Variants in IL1RAPL1 observed in about 807,000 individuals in gnomAD.
IL1RAPL1 encodes interleukin-1 receptor accessory protein-like 1.
A neutral mutation model predicts 48.4 loss-of-function variants in IL1RAPL1; 3 were observed. That is an observed-to-expected ratio of 0.06 (90% CI 0.03 to 0.16). The LOEUF is 0.16. Ranked by LOEUF, IL1RAPL1 falls within the 10% of genes least tolerant of loss-of-function variation. The probability of loss-of-function intolerance (pLI) is 1.00; values close to 1 mark genes in which losing one functional copy is unlikely to be tolerated. For synonymous variants in IL1RAPL1, 185 were observed against 187.7 expected, an observed-to-expected ratio of 0.99 and a Z score of 0.12; for missense variants, 349 against 530.6, an observed-to-expected ratio of 0.66 and a Z score of 3.36.
intron 8 of IL1RAPL1, among the ~76,000 whole-genome samples, chrX:29,937,171 CAG>C (rs752694334): frequency 2.7e-5 from 3 of 112,076 alleles, no homozygotes; most frequent in Non-Finnish European, 3.8e-5. Flanking sequence ...TTAAAGGGGG[CAG>C]AGTCTATCAT....
intron 3 of IL1RAPL1, among the ~76,000 whole-genome samples, chrX:29,343,740 T>TA: frequency 9.3e-6 from 1 of 107,327 alleles, no homozygotes; most frequent in East Asian, 2.9e-4. Flanking sequence ...AGTTTTTTTT[T>TA]ACATTAGAAA....
intron 2 of IL1RAPL1, among the ~76,000 whole-genome samples, chrX:28,924,669 A>G (rs1008530425): frequency 8.0e-5 from 9 of 112,081 alleles, no homozygotes; most frequent in Non-Finnish European, 1.1e-4. Context: ...CTGGAAAAGA[A>G]AAGTGATCTT....
At chrX:28,609,410 A>G (rs766043719) in intron 1 of IL1RAPL1, among the ~76,000 whole-genome samples, 54 of 110,939 alleles carry the variant, frequency 4.9e-4, no homozygotes, top group Non-Finnish European at 9.1e-4. Flanking sequence ...ACTGTTACCT[A>G]TGTAAAATGA....
chrX:28,676,901 G>A (rs903376036), intron 1 of IL1RAPL1, among the ~76,000 whole-genome samples: 3 of 111,142 alleles, frequency 2.7e-5, no homozygotes, highest in Non-Finnish European at 5.7e-5. Context: ...TGATATTATT[G>A]TACCAATTAT....
intron 2 of IL1RAPL1, among the ~76,000 whole-genome samples, chrX:28,830,085 G>A (rs1921009354): frequency 9.0e-6 from 1 of 111,313 alleles, no homozygotes; most frequent in South Asian, 3.7e-4. Context: ...TAGGGATATT[G>A]GTCAGTAGTT....
intron 6 of IL1RAPL1, among the ~76,000 whole-genome samples, chrX:29,693,612 TAA>T (rs1926832764): frequency 1.8e-5 from 2 of 111,899 alleles, no homozygotes; most frequent in African/African-American, 6.5e-5. Flanking sequence ...GCTTGAGCAA[TAA>T]TTGCAATACT....
chrX:29,009,051 G>A (rs759469947), intron 2 of IL1RAPL1, among the ~76,000 whole-genome samples: 1 of 111,495 alleles, frequency 9.0e-6, no homozygotes, highest in Non-Finnish European at 1.9e-5. Context: ...CTGCAGCAAC[G>A]TAGATGTGGC....
At chrX:29,568,671 G>A in intron 5 of IL1RAPL1, among the ~76,000 whole-genome samples, 1 of 110,756 alleles carries the variant, frequency 9.0e-6, no homozygotes, top group Non-Finnish European at 1.9e-5. Context: ...AAAATATGGA[G>A]GACATTATTA....
At chrX:28,937,306 A>G (rs1304161464) in intron 2 of IL1RAPL1, among the ~76,000 whole-genome samples, 3 of 111,175 alleles carry the variant, frequency 2.7e-5, no homozygotes, top group Non-Finnish European at 5.7e-5. Context: ...TCTAGGCATA[A>G]GGTAAAATCT....
At chrX:28,738,581 T>G in intron 1 of IL1RAPL1, among the ~76,000 whole-genome samples, 1 of 109,820 alleles carries the variant, frequency 9.1e-6, no homozygotes, top group Non-Finnish European at 1.9e-5. Context: ...GGTGAGGGGG[T>G]GAGTTATGTG....
chrX:28,644,831 G>A (rs375007424), intron 1 of IL1RAPL1, among the ~76,000 whole-genome samples: 5 of 111,465 alleles, frequency 4.5e-5, no homozygotes, highest in Admixed American at 2.9e-4. Context: ...GGACCAGCAA[G>A]TTATGACTGT....
At chrX:29,902,054 A>G (rs1345260000) in intron 6 of IL1RAPL1, among the ~76,000 whole-genome samples, 1 of 112,039 alleles carries the variant, frequency 8.9e-6, no homozygotes, top group African/African-American at 3.2e-5. Flanking sequence ...AAGGGTAACA[A>G]TGGCTGTACT....
chrX:28,740,977 A>G lies in IL1RAPL1; in HGVS notation c.-24-48343A>G, dbSNP rs142935086. ...CATATGAGTGCGTGTGTGTTTGCACACACATTGGTCTGTCGTCCACAATGA... is the reference window on the plus strand; with the variant it reads ...CATATGAGTGCGTGTGTGTTTGCACGCACATTGGTCTGTCGTCCACAATGA... On this transcript the variant is annotated intron_variant, in intron 1 of 10. Coordinates refer to ENST00000378993, the MANE Select transcript of IL1RAPL1 (RefSeq NM_014271.4). 1.2e-4 allele frequency among the ~76,000 whole-genome samples: 13 copies of G among 112,177 alleles called. No individual in the cohort carries two copies. In the East Asian group the frequency reaches 3.7e-3, roughly 32 times the overall value.
intron 2 of IL1RAPL1, among the ~76,000 whole-genome samples, chrX:28,813,131 C>A (rs1164345078): frequency 9.0e-6 from 1 of 111,188 alleles, no homozygotes; most frequent in Admixed American, 9.6e-5. Flanking sequence ...TTAAAAAATT[C>A]AAGTTTCTCT....
intron 1 of IL1RAPL1, among the ~76,000 whole-genome samples, chrX:28,788,577 C>G: frequency 9.1e-6 from 1 of 110,068 alleles, no homozygotes; most frequent in Non-Finnish European, 1.9e-5. Context: ...AGCCATCCTC[C>G]TACATCAGCC....
intron 2 of IL1RAPL1, among the ~76,000 whole-genome samples, chrX:29,097,056 T>C (rs1928230948): frequency 8.9e-6 from 1 of 112,102 alleles, no homozygotes. Flanking sequence ...TCATTTAAGC[T>C]ATAAATTTAG....
chrX:29,813,699 G>A (rs1930427779), intron 6 of IL1RAPL1, among the ~76,000 whole-genome samples: 1 of 111,083 alleles, frequency 9.0e-6, no homozygotes, highest in Admixed American at 9.6e-5. Flanking sequence ...CAGGTAGTGA[G>A]CATAGTACCC....
intron 2 of IL1RAPL1, among the ~76,000 whole-genome samples, chrX:29,213,923 A>G (rs971115597): frequency 4.5e-5 from 5 of 111,683 alleles, no homozygotes; most frequent in African/African-American, 1.6e-4. Flanking sequence ...ACGTTCCTCC[A>G]ACAGGAATAG....
At chrX:28,621,352 T>A (rs939782871) in intron 1 of IL1RAPL1, among the ~76,000 whole-genome samples, 1 of 111,568 alleles carries the variant, frequency 9.0e-6, no homozygotes, top group Non-Finnish European at 1.9e-5. Context: ...TTTCTTGGCC[T>A]TTTTTTACTG....
Sources: gnomAD v4.1 joint callset for allele counts (sites outside exome capture counted in the v4.1 genomes callset) on GRCh38, gnomAD v4.1.1 for gene constraint, MANE v1.5 for transcripts, NCBI Gene and HGNC (gene_info 2026-07-23, HGNC 2026-07-21) for gene names.